Variants in INVS observed in about 807,000 individuals in gnomAD.
The protein encoded by INVS is inversin, also known as inversion of embryo turning homolog.
Under a neutral mutation model 108.8 loss-of-function variants are expected in INVS, and 86 were observed. The ratio of observed to expected loss-of-function variants is 0.79; its 90% CI spans 0.66 to 0.95. The LOEUF (loss-of-function observed/expected upper bound fraction) is 0.95. Among genes scored for constraint, INVS ranks in the 40% least tolerant of loss-of-function variants. The probability of loss-of-function intolerance (pLI) is 0.00; values close to 1 mark genes in which losing one functional copy is unlikely to be tolerated. For synonymous variants in INVS, 455 were observed against 473.5 expected (o/e 0.96, Z 0.51); for missense variants, 1,169 against 1,297.4 (o/e 0.90, Z 1.52).
At chr9:100,138,388 A>C (rs1213188159) in intron 3 of INVS, among the ~76,000 whole-genome samples, 1 of 152,094 alleles carries the variant, frequency 6.6e-6, no homozygotes, top group Non-Finnish European at 1.5e-5. Flanking sequence ...CTAGGGTGAC[A>C]AGAGCGAAAT....
Position 100,292,368 on chromosome 9 carries a change from A to G in INVS, c.2111A>G (p.His704Arg). Reference protein sequence around the residue: ...EHSKGQSACVHFRPNEGSDGS... With the variant: ...EHSKGQSACVRFRPNEGSDGS... ...TCTAAAGGCCAATCTGCTTGTGTCC[A>G]CTTCAGACCCAATGAAGGCAGTGAT... is the stretch of plus-strand genomic sequence containing the variant. Residue 704 changes from histidine to arginine, a missense_variant, in exon 14 of 17, where the codon CAC (histidine) becomes CGC (arginine). By Grantham distance (29) the His-to-Arg change is conservative. Around this residue, in one of 3 missense-constraint regions of INVS, gnomAD observed 533 missense variants for 536.0 expected, o/e 0.99. Transcript: ENST00000262457. 6.2e-7 allele frequency: 1 copy of G among 1,614,140 alleles called. No homozygotes were observed. The highest frequency in any genetic ancestry group is 8.5e-7 in the Non-Finnish European group (1 of 1,180,038).
intron 1 of INVS, among the ~76,000 whole-genome samples, chr9:100,099,964 A>G (rs1826767950): frequency 6.6e-6 from 1 of 152,118 alleles, no homozygotes; most frequent in Admixed American, 6.5e-5. Context: ...CTCTCTCTGG[A>G]ATGCTATCTT....
chr9:100,272,007 T>C (rs985515784), intron 11 of INVS, among the ~76,000 whole-genome samples: 1 of 152,100 alleles, frequency 6.6e-6, no homozygotes, highest in Non-Finnish European at 1.5e-5. Flanking sequence ...TAGCTGGGAC[T>C]ACAGGTATGT....
intron 3 of INVS, among the ~76,000 whole-genome samples, chr9:100,200,757 G>A (rs559790817): frequency 1.3e-5 from 2 of 152,286 alleles, no homozygotes; most frequent in South Asian, 4.1e-4. Context: ...TCAGGGATCA[G>A]CCAAGGATTT....
chr9:100,102,932 A>C (rs767781225), intron 1 of INVS: 1 of 152,514 alleles, frequency 6.6e-6, no homozygotes, highest in East Asian at 1.9e-4. Context: ...AGCTCACTGC[A>C]ACCTCCACCT....
rs145551373 is a variant in INVS at position 100,238,139 on chromosome 9, A to G, written c.616-1921A>G. Among the ~76,000 whole-genome samples, 407 of 152,146 alleles carry G rather than the reference A, an allele frequency of 2.7e-3. 2 individuals carry two copies. Among genetic ancestry groups the G allele is most frequent in the African/African-American group, 9.3e-3 (386 of 41,526 alleles). ...AGTGATCCACCTACGTCAGCCTCCC[A>G]AAGTGCTGGGATTACAGGCATGAGC... On this transcript the variant is annotated intron_variant, in intron 5 of 16. Transcript: ENST00000262457.
intron 12 of INVS, among the ~76,000 whole-genome samples, chr9:100,282,042 A>C (rs1166947386): frequency 6.6e-6 from 1 of 152,182 alleles, no homozygotes; most frequent in Non-Finnish European, 1.5e-5. Context: ...CAACCCAGAC[A>C]GCCACCCACA....
At chr9:100,286,257 C>A (rs766965604) in intron 13 of INVS, among the ~76,000 whole-genome samples, 5 of 152,118 alleles carry the variant, frequency 3.3e-5, no homozygotes, top group Non-Finnish European at 7.4e-5. Context: ...GAAAAGTATA[C>A]ATAAAATGAC....
intron 3 of INVS, among the ~76,000 whole-genome samples, chr9:100,158,912 G>C (rs1588048376): frequency 6.6e-6 from 1 of 151,962 alleles, no homozygotes; most frequent in African/African-American, 2.4e-5. Context: ...GAAGAGCCTG[G>C]CATCCTTCCC....
chr9:100,285,974 GTAT>G (rs1019455212), intron 13 of INVS, among the ~76,000 whole-genome samples: 3 of 152,176 alleles, frequency 2.0e-5, no homozygotes, highest in African/African-American at 7.2e-5. Context: ...TAATGTCTTC[GTAT>G]TATTATGAAA....
chr9:100,192,653 C>T (rs1054573272), intron 3 of INVS, among the ~76,000 whole-genome samples: 5 of 152,138 alleles, frequency 3.3e-5, no homozygotes, highest in African/African-American at 1.2e-4. Context: ...AATGTTGCTA[C>T]CACTTTACAC....
chr9:100,143,362 G>A (rs947853245), intron 3 of INVS, among the ~76,000 whole-genome samples: 9 of 152,146 alleles, frequency 5.9e-5, no homozygotes, highest in Non-Finnish European at 1.3e-4. Context: ...GGAGTTTATA[G>A]GCTTTAAAAG....
rs532827292 is a variant in INVS at position 100,292,882 on chromosome 9, G to A, written c.2625G>A (p.Lys875=). 5 of 1,614,202 alleles carry A rather than the reference G, an allele frequency of 3.1e-6. No individual in the cohort carries two copies. The East Asian group carries it at 1.1e-4, about 36-fold the overall frequency. The change falls in exon 14 of 17, where the codon AAG becomes AAA. Residue 875 remains lysine, a synonymous_variant. Coordinates refer to ENST00000262457, the MANE Select transcript of INVS (RefSeq NM_014425.5). Reference sequence around the variant, plus strand: ...TGTCCGAGGACTTTCAGGTATCTAAGGAGACTGATCCAGCACCTGGTCCCC... The same window carrying A: ...TGTCCGAGGACTTTCAGGTATCTAAAGAGACTGATCCAGCACCTGGTCCCC... ...STLSEDFQVS[K]ETDPAPGPLS...
intron 3 of INVS, among the ~76,000 whole-genome samples, chr9:100,178,275 T>A (rs57518655): frequency 0.014 from 2,072 of 152,264 alleles, 36 homozygotes; most frequent in African/African-American, 0.048. Flanking sequence ...GGACAGAGAA[T>A]GAGTTTGATG....
chr9:100,126,488 G>T lies in INVS; in HGVS notation c.212G>T (p.Gly71Val). Residue 71 changes from glycine to valine, a missense_variant, in exon 3 of 17, where the codon GGA becomes GTA. Physicochemically the swap from Gly to Val is moderately radical, Grantham distance 109. Coordinates refer to ENST00000262457, the MANE Select transcript of INVS (RefSeq NM_014425.5). ...TGTGCAGATGCTCTTCTGAAGGCAG[G>T]AGCAGATGTGAATAAAACTGACCAT... ...LDCADALLKAGADVNKTDHSQ... is the reference protein window; with the variant it reads ...LDCADALLKAVADVNKTDHSQ... 5 of 1,614,158 alleles carry T rather than the reference G, an allele frequency of 3.1e-6. No individual in the cohort carries two copies. The highest frequency in any genetic ancestry group is 4.2e-6 in the Non-Finnish European group (5 of 1,180,018).
chr9:100,299,354 A>AC (rs1588155453), intron 16 of INVS, among the ~76,000 whole-genome samples: 1 of 151,360 alleles, frequency 6.6e-6, no homozygotes, highest in African/African-American at 2.4e-5. Context: ...AGAACCCCCC[A>AC]CCCCCGAGGT....
chr9:100,208,437 T>C (rs1328824724), intron 3 of INVS, among the ~76,000 whole-genome samples: 1 of 152,216 alleles, frequency 6.6e-6, no homozygotes, highest in Non-Finnish European at 1.5e-5. Context: ...CACATTTGTC[T>C]GTATATTTGT....
At chr9:100,163,188 T>TG (rs1005403986) in intron 3 of INVS, among the ~76,000 whole-genome samples, 8 of 146,760 alleles carry the variant, frequency 5.5e-5, no homozygotes, top group African/African-American at 2.0e-4. Context: ...TTCTTTCTAT[T>TG]TTTTTTTTTT....
intron 2 of INVS, among the ~76,000 whole-genome samples, chr9:100,119,860 G>C (rs1827670903): frequency 6.6e-6 from 1 of 152,054 alleles, no homozygotes; most frequent in Non-Finnish European, 1.5e-5. Flanking sequence ...ACCTGGTCCA[G>C]AATTCACTTT....
Sources: allele counts gnomAD v4.1 joint callset (sites outside exome capture counted in the v4.1 genomes callset), GRCh38; gene constraint gnomAD v4.1.1; regional missense constraint gnomAD v4.1.1; transcripts MANE v1.5; gene names NCBI Gene and HGNC (gene_info 2026-07-23, HGNC 2026-07-21).